Variants in PCDHGB5 observed in about 807,000 individuals in gnomAD.
PCDHGB5 encodes protocadherin gamma subfamily B, 5, also known as protocadherin gamma-B5.
In PCDHGB5, 48 loss-of-function variants were observed where a neutral mutation model predicts 62.9. That is an observed-to-expected ratio of 0.76 (90% CI 0.61 to 0.97). The LOEUF (loss-of-function observed/expected upper bound fraction) is 0.97, where lower values mean the gene tolerates loss of function less well. Ranked by LOEUF, PCDHGB5 falls within the 50% of genes least tolerant of loss-of-function variation. The pLI is 0.00. For synonymous variants in PCDHGB5, 474 were observed against 511.2 expected, an observed-to-expected ratio of 0.93 and a Z score of 0.98; for missense variants, 1,118 against 1,198.6, an observed-to-expected ratio of 0.93 and a Z score of 0.99.
At chr5:141,401,098 C>T (rs1589430206) in intron 1 of PCDHGB5, among the ~76,000 whole-genome samples, 1 of 152,110 alleles carries the variant, frequency 6.6e-6, no homozygotes, top group East Asian at 1.9e-4. Context: ...AATCCCAGCA[C>T]TTTGGGAGGC....
chr5:141,415,761 T>A (rs1047830043), intron 1 of PCDHGB5: 2 of 1,399,648 alleles, frequency 1.4e-6, no homozygotes, highest in African/African-American at 3.0e-5. Context: ...TTTTTTTTTT[T>A]TTTTTTTTTT....
rs1390739125 is a variant in PCDHGB5 at position 141,490,094 on chromosome 5, C to T, written c.2398-4713C>T. ...CTAGACTATTCTTTTGGAGACCACA[C>T]ATCTGAGGCAGTGCGGAACCTCTTT... On this transcript the variant is annotated intron_variant, in intron 1 of 3. Coordinates refer to ENST00000617380, the MANE Select transcript of PCDHGB5 (RefSeq NM_018925.3). This position sits in a 1 kb window ranked among gnomAD's most constrained non-coding sequence, Gnocchi z 5.4. 1 of 1,614,250 alleles carries T rather than the reference C, an allele frequency of 6.2e-7. No individual in the cohort carries two copies. The highest frequency in any genetic ancestry group is 2.2e-5 in the East Asian group (1 of 44,888).
At chr5:141,436,394 T>C (rs781428769) in intron 1 of PCDHGB5, among the ~76,000 whole-genome samples, 15 of 152,216 alleles carry the variant, frequency 9.9e-5, no homozygotes, top group Non-Finnish European at 1.9e-4. Flanking sequence ...CTTTATTAAA[T>C]AGTTGTTGAA....
chr5:141,450,608 T>C (rs916441293), intron 1 of PCDHGB5, among the ~76,000 whole-genome samples: 5 of 151,776 alleles, frequency 3.3e-5, no homozygotes, highest in Admixed American at 2.6e-4. Flanking sequence ...TGCCTCAGCC[T>C]CCTGAGTAGC....
Position 141,399,495 on chromosome 5 carries a change from T to C in PCDHGB5, c.1368T>C (p.Ser456=). Residue 456 remains serine, a synonymous_variant, in exon 1 of 4, where the codon AGT becomes AGC. Transcript: ENST00000617380. ...PVFHQASYLV[S]VPENNPPGAS... is the part of the protein sequence containing the mutation. Reference sequence around the variant, plus strand: ...TCCACCAGGCGTCCTACTTAGTCAGTGTACCCGAAAACAACCCTCCTGGGG... The same window carrying C: ...TCCACCAGGCGTCCTACTTAGTCAGCGTACCCGAAAACAACCCTCCTGGGG... 1 of 1,614,034 alleles carries C rather than the reference T, an allele frequency of 6.2e-7. No individual in the cohort carries two copies. The highest frequency in any genetic ancestry group is 8.5e-7 in the Non-Finnish European group (1 of 1,179,904).
chr5:141,458,609 A>T (rs1037852455), intron 1 of PCDHGB5, among the ~76,000 whole-genome samples: 1 of 152,004 alleles, frequency 6.6e-6, no homozygotes, highest in Non-Finnish European at 1.5e-5. Flanking sequence ...TCACTCTGTC[A>T]GCCAGGCTGG....
Position 141,477,393 on chromosome 5 carries a change from G to A in PCDHGB5, c.2398-17414G>A, listed in dbSNP as rs1397453429. On this transcript the variant is annotated intron_variant, in intron 1 of 3. Transcript: ENST00000617380. This position sits in a 1 kb window ranked among gnomAD's most constrained non-coding sequence, Gnocchi z 4.9. The stretch of plus-strand genomic sequence containing the variant: ...GAGACTGTGCCAGAATACAACCTCA[G>A]CATCACCGCCCGAGACGCCGGAACC... The A allele has an allele frequency of 5.6e-6, 9 of 1,614,098 alleles. No individual in the cohort carries two copies. Among genetic ancestry groups the A allele is most frequent in the Non-Finnish European group, 7.6e-6 (9 of 1,180,028 alleles).
At chr5:141,408,936 A>T in intron 1 of PCDHGB5, 4 of 1,613,548 alleles carry the variant, frequency 2.5e-6, no homozygotes, top group Non-Finnish European at 1.7e-6. Flanking sequence ...TTCAGCAGAG[A>T]CGAATATAGA....
At chr5:141,510,321 CA>C (rs1376271166) in intron 3 of PCDHGB5, among the ~76,000 whole-genome samples, 1 of 150,840 alleles carries the variant, frequency 6.6e-6, no homozygotes, top group Non-Finnish European at 1.5e-5. Context: ...CTTGGAAGAG[CA>C]CTCTTCACCC....
chr5:141,457,337 TTAC>T (rs1446765287), intron 1 of PCDHGB5, among the ~76,000 whole-genome samples: 2 of 152,202 alleles, frequency 1.3e-5, no homozygotes, highest in Non-Finnish European at 2.9e-5. Flanking sequence ...GGTACCTTAC[TTAC>T]TTTCATTACC....
In PCDHGB5 at chr5:141,476,240, G is replaced by A. The variant is rs762604058; in HGVS notation, c.2398-18567G>A. On this transcript the variant is annotated intron_variant, in intron 1 of 3. Coordinates refer to ENST00000617380, the MANE Select transcript of PCDHGB5 (RefSeq NM_018925.3). This position sits in a 1 kb window ranked among gnomAD's most constrained non-coding sequence, Gnocchi z 7.6. ...TCACTATGAGATCCCGGAGGAAAGAGAGAAGGGTTTCGCTGTGGGCAACGT... is the reference window on the plus strand; with the variant it reads ...TCACTATGAGATCCCGGAGGAAAGAAAGAAGGGTTTCGCTGTGGGCAACGT... The A allele has an allele frequency of 4.3e-6, 7 of 1,613,986 alleles. No individual in the cohort carries two copies. The highest frequency in any genetic ancestry group is 1.7e-6 in the Non-Finnish European group (2 of 1,180,030).
At chr5:141,427,440 G>A (rs747459662) in intron 1 of PCDHGB5, 1 of 477,484 alleles carries the variant, frequency 2.1e-6, no homozygotes, top group South Asian at 1.5e-5. Flanking sequence ...CCTCATAAAC[G>A]AAAGAGTTCC....
intron 1 of PCDHGB5, chr5:141,422,116 T>A (rs753281558): frequency 2.5e-6 from 4 of 1,604,730 alleles, no homozygotes; most frequent in Non-Finnish European, 3.4e-6. Context: ...CCAATTGGAT[T>A]CACAAACTGG....
At chr5:141,403,144 C>A in intron 1 of PCDHGB5, 10 of 1,614,042 alleles carry the variant, frequency 6.2e-6, no homozygotes, top group Non-Finnish European at 8.5e-6. Flanking sequence ...AGCGCCGAGT[C>A]CGCATCGTCT....
chr5:141,510,222 G>A (rs891688596), intron 3 of PCDHGB5, among the ~76,000 whole-genome samples: 3 of 151,498 alleles, frequency 2.0e-5, no homozygotes, highest in Admixed American at 6.6e-5. Context: ...GCAGTGAGCC[G>A]GGATCGCGCC....
rs377547144 is a variant in PCDHGB5, at chr5:141,409,030, G to A, written c.2397+8506G>A. The stretch of plus-strand genomic sequence containing the variant: ...ACCAGGATGAGGGGGTCAATGCTGA[G>A]ATAAACTACTACTTCCGAAGCACTG... On this transcript the variant is annotated intron_variant, in intron 1 of 3. Transcript: ENST00000617380. 9.9e-6 allele frequency: 16 copies of A among 1,613,892 alleles called. No homozygotes were observed. The African/African-American group carries it at 2.0e-4, about 20-fold the overall frequency.
chr5:141,405,638 CT>C lies in PCDHGB5; in HGVS notation c.2397+5115del. ...TACAGGCACGTGCCACCACGCCCGG[CT>C]AATTTTTTGTGTGTTTTTAGTAGAG... is the stretch of plus-strand genomic sequence containing the variant. On this transcript the variant is annotated intron_variant, in intron 1 of 3. Coordinates refer to ENST00000617380, the MANE Select transcript of PCDHGB5 (RefSeq NM_018925.3). 3 of 528,680 alleles carry C rather than the reference CT, an allele frequency of 5.7e-6. No individual in the cohort carries two copies. The East Asian group carries it at 9.4e-5, about 17-fold the overall frequency. 32.7% of individuals were successfully genotyped at this position (528,680 alleles called of 1,614,324 possible).
chr5:141,500,144 C>T (rs2099796717), intron 2 of PCDHGB5, among the ~76,000 whole-genome samples: 1 of 151,426 alleles, frequency 6.6e-6, no homozygotes, highest in South Asian at 2.1e-4. Context: ...CTAAACTTTT[C>T]TTTGTGTAAT....
chr5:141,405,459 A>G (rs553327050), intron 1 of PCDHGB5: 1 of 1,229,452 alleles, frequency 8.1e-7, no homozygotes, highest in African/African-American at 1.5e-5. Context: ...TTACTCTGTT[A>G]CCCAGGCTGG....
Sources: gnomAD v4.1 joint callset for allele counts (sites outside exome capture counted in the v4.1 genomes callset) on GRCh38, gnomAD v4.1.1 for gene constraint, Gnocchi (gnomAD v3.1) non-coding constraint, MANE v1.5 for transcripts, NCBI Gene and HGNC (gene_info 2026-07-23, HGNC 2026-07-21) for gene names.